The following CDK7 variants were observed in gnomAD, a reference collection of about 807,000 sequenced individuals.
The protein encoded by CDK7 is cyclin dependent kinase 7, also known as cyclin-dependent kinase 7.
CDK7 carries 25 observed loss-of-function variants against 49.1 expected under a neutral mutation model. The observed-to-expected ratio is 0.51, with a 90% CI of 0.37 to 0.71. The LOEUF (loss-of-function observed/expected upper bound fraction) is 0.71, where lower values mean the gene tolerates loss of function less well. Ranked by LOEUF, CDK7 falls within the 30% of genes least tolerant of loss-of-function variation. CDK7 has a pLI of 0.00. For synonymous variants in CDK7, 107 were observed against 140.0 expected (o/e 0.76, Z 1.67); for missense variants, 316 against 411.7 (o/e 0.77, Z 2.01).
intron 2 of CDK7, among the ~76,000 whole-genome samples, chr5:69,244,098 C>T (rs986550706): frequency 2.6e-5 from 4 of 152,074 alleles, no homozygotes; most frequent in African/African-American, 4.8e-5. Flanking sequence ...TCCCAAAATG[C>T]GGGGATTACA....
At chr5:69,235,510 TTGAC>T (rs765721462) in intron 2 of CDK7, 57 bp downstream of exon 2, 1 of 1,127,014 alleles carries the variant, frequency 8.9e-7, no homozygotes, top group Non-Finnish European at 1.4e-6. Flanking sequence ...GTATTATTAA[TTGAC>T]TGATAGCCAT....
intron 2 of CDK7, among the ~76,000 whole-genome samples, chr5:69,239,056 A>G (rs1364544450): frequency 2.0e-5 from 3 of 151,924 alleles, no homozygotes; most frequent in African/African-American, 4.8e-5. Context: ...CCTTCTCTGG[A>G]TAGTCATCTG....
intron 11 of CDK7, 109 bp from the exon 12 acceptor site, chr5:69,276,998 C>A: frequency 1.1e-6 from 1 of 917,306 alleles, no homozygotes; most frequent in South Asian, 1.7e-5. Context: ...AAAAATGTGT[C>A]AGTGAAATAA....
At chr5:69,258,805 G>A (rs1041675461) in intron 6 of CDK7, among the ~76,000 whole-genome samples, 1 of 152,094 alleles carries the variant, frequency 6.6e-6, no homozygotes, top group African/African-American at 2.4e-5. Flanking sequence ...CCCAGGCATG[G>A]TGGCTCACTT....
chr5:69,251,043 C>G (rs1750105856), intron 2 of CDK7, among the ~76,000 whole-genome samples: 1 of 151,932 alleles, frequency 6.6e-6, no homozygotes, highest in South Asian at 2.1e-4. Context: ...AATCCTCCCA[C>G]TTCAGCCTTC....
At chr5:69,258,583 C>T (rs1233194374) in intron 6 of CDK7, among the ~76,000 whole-genome samples, 3 of 152,000 alleles carry the variant, frequency 2.0e-5, no homozygotes, top group Non-Finnish European at 4.4e-5. Context: ...GGGGTTTCAC[C>T]GTGTTAGCCA....
intron 8 of CDK7, among the ~76,000 whole-genome samples, chr5:69,268,429 G>GT (rs1751303655): frequency 6.6e-6 from 1 of 152,168 alleles, no homozygotes; most frequent in African/African-American, 2.4e-5. Flanking sequence ...TAAAGGTGCT[G>GT]TTTTGTTGGT....
chr5:69,241,314 C>CTTT (rs747725798), intron 2 of CDK7, among the ~76,000 whole-genome samples: 97 of 35,166 alleles, frequency 2.8e-3, no homozygotes, highest in African/African-American at 5.7e-3. Context: ...TAGGTTTTTT[C>CTTT]TTTTTTTTTT....
At chr5:69,273,995 C>A (rs970185202) in intron 10 of CDK7, among the ~76,000 whole-genome samples, 5 of 152,018 alleles carry the variant, frequency 3.3e-5, no homozygotes, top group Non-Finnish European at 7.4e-5. Flanking sequence ...AAAAATTTTT[C>A]TTTATTATTT....
At chr5:69,276,994 G>A (rs933975269) in intron 11 of CDK7, 113 bp from the exon 12 acceptor site, 1 of 887,134 alleles carries the variant, frequency 1.1e-6, no homozygotes, top group Non-Finnish European at 1.7e-6. Context: ...TGGAAAAAAT[G>A]TGTCAGTGAA....
intron 9 of CDK7, among the ~76,000 whole-genome samples, chr5:69,272,410 ATATC>A (rs1211114257): frequency 6.6e-6 from 1 of 152,182 alleles, no homozygotes; most frequent in African/African-American, 2.4e-5. Context: ...AATTGGTCCT[ATATC>A]TAAGATAATT....
intron 7 of CDK7, among the ~76,000 whole-genome samples, chr5:69,261,957 G>C (rs983245856): frequency 6.6e-6 from 1 of 152,132 alleles, no homozygotes; most frequent in Non-Finnish European, 1.5e-5. Context: ...TTTAAGACTG[G>C]AAAAATACTG....
intron 9 of CDK7, among the ~76,000 whole-genome samples, chr5:69,271,324 C>T (rs558060228): frequency 6.6e-6 from 1 of 152,126 alleles, no homozygotes; most frequent in East Asian, 1.9e-4. Context: ...GTATTGAGAG[C>T]TCTTCATATA....
intron 2 of CDK7, among the ~76,000 whole-genome samples, chr5:69,251,133 T>C (rs1050917980): frequency 6.6e-6 from 1 of 150,766 alleles, no homozygotes; most frequent in African/African-American, 2.4e-5. Context: ...AGTCTCGCTC[T>C]GTCACCCAGG....
intron 2 of CDK7, among the ~76,000 whole-genome samples, chr5:69,243,164 C>T (rs1353356583): frequency 2.0e-5 from 3 of 152,208 alleles, no homozygotes; most frequent in African/African-American, 7.2e-5. Context: ...GCTGGTTATC[C>T]TGAGAAACTG....
intron 2 of CDK7, among the ~76,000 whole-genome samples, chr5:69,249,870 C>A (rs1750025685): frequency 6.6e-6 from 1 of 152,182 alleles, no homozygotes; most frequent in Non-Finnish European, 1.5e-5. Context: ...CTGATGCATT[C>A]TTGAGTATGT....
intron 1 of CDK7, 105 bp from the exon 2 acceptor site, chr5:69,235,289 G>T: frequency 1.1e-6 from 1 of 909,940 alleles, no homozygotes; most frequent in African/African-American, 1.7e-5. Flanking sequence ...GCCGCCGCGA[G>T]TCTGCTCAGG....
At chr5:69,273,404 A>T (rs929774409) in intron 10 of CDK7, among the ~76,000 whole-genome samples, 3 of 152,180 alleles carry the variant, frequency 2.0e-5, no homozygotes, top group East Asian at 3.8e-4. Context: ...AATTCATTTA[A>T]ATCTTGTAGC....
At chr5:69,235,322 G>A in intron 1 of CDK7, 72 bp from the exon 2 acceptor site, 2 of 1,196,136 alleles carry the variant, frequency 1.7e-6, no homozygotes, top group Non-Finnish European at 2.5e-6. Flanking sequence ...TTTGCTTCGC[G>A]AAATGTAAAA....
Sources: gnomAD v4.1 joint callset for allele counts (sites outside exome capture counted in the v4.1 genomes callset) on GRCh38, gnomAD v4.1.1 for gene constraint, MANE v1.5 for transcripts, NCBI Gene and HGNC (gene_info 2026-07-23, HGNC 2026-07-21) for gene names.